Variants in SLC16A7 observed in about 807,000 individuals in gnomAD.
SLC16A7 encodes the protein solute carrier family 16 member 7.
In SLC16A7, 33 loss-of-function variants were observed where a neutral mutation model predicts 34.9. That is an observed-to-expected ratio of 0.94 (90% confidence interval 0.72 to 1.26). SLC16A7 has a LOEUF of 1.26. SLC16A7 is among the 50% of genes most tolerant of loss of function. The pLI, the probability that SLC16A7 is intolerant of heterozygous loss-of-function variation, is 0.00. For synonymous variants in SLC16A7, 201 were observed against 206.6 expected (o/e 0.97, Z 0.23); for missense variants, 573 against 578.1 (o/e 0.99, Z 0.09).
At chr12:59,644,534 C>T (rs1880826405) in intron 1 of SLC16A7, among the ~76,000 whole-genome samples, 1 of 152,112 alleles carries the variant, frequency 6.6e-6, no homozygotes, top group Non-Finnish European at 1.5e-5. Flanking sequence ...GCACTCCAGC[C>T]TGGGCAACAG....
At chr12:59,612,538 GCTT>G (rs1482080961) in intron 1 of SLC16A7, among the ~76,000 whole-genome samples, 1 of 152,152 alleles carries the variant, frequency 6.6e-6, no homozygotes, top group Non-Finnish European at 1.5e-5. Context: ...TTAACATTTG[GCTT>G]CTTGTTACTT....
At chr12:59,651,975 A>C (rs545731056) in intron 1 of SLC16A7, among the ~76,000 whole-genome samples, 12 of 152,240 alleles carry the variant, frequency 7.9e-5, no homozygotes, top group Admixed American at 2.6e-4. Flanking sequence ...ATTTTATTCA[A>C]GGAACTTTTT....
chr12:59,621,264 A>G (rs1879685079), intron 1 of SLC16A7, among the ~76,000 whole-genome samples: 1 of 151,864 alleles, frequency 6.6e-6, no homozygotes, highest in Non-Finnish European at 1.5e-5. Context: ...TAGCACTGCC[A>G]TGTTGTTTAT....
Position 59,655,270 on chromosome 12 carries a change from AATG to A in SLC16A7, c.-31+24_-31+26del, listed in dbSNP as rs1410855738. ...TACTCTGTGAGTATCCTTGGTGTGTAATGATGTTTTCTTCCATCTAGCTCTTGT... is the reference window on the plus strand; with the variant it reads ...TACTCTGTGAGTATCCTTGGTGTGTAATGTTTTCTTCCATCTAGCTCTTGT... On this transcript the variant is annotated intron_variant, in intron 2 of 5. Transcript: ENST00000547379. The A allele has an allele frequency of 1.3e-5, 2 of 151,888 alleles. No homozygotes were observed. Among genetic ancestry groups the A allele is most frequent in the Non-Finnish European group, 2.9e-5 (2 of 67,890 alleles). The allele number at this position is 151,888 out of a possible 1,614,324, so 9.4% of individuals were successfully genotyped here. A position where few individuals can be genotyped will look rare whatever the true frequency, so the allele number is the denominator to read the frequency against.
chr12:59,669,167 A>T (rs73109997), intron 2 of SLC16A7, among the ~76,000 whole-genome samples: 5,830 of 152,310 alleles, frequency 0.038, 161 homozygotes, highest in Non-Finnish European at 0.06. Context: ...TATAAGTTAA[A>T]CATTAAGATG....
chr12:59,709,362 AC>A (rs1283403444), intron 3 of SLC16A7, among the ~76,000 whole-genome samples: 3 of 151,674 alleles, frequency 2.0e-5, no homozygotes, highest in African/African-American at 7.3e-5. Flanking sequence ...GAACTACTTT[AC>A]ATGGGGATTG....
At chr12:59,649,698 C>T (rs1868307622) in intron 1 of SLC16A7, among the ~76,000 whole-genome samples, 2 of 152,118 alleles carry the variant, frequency 1.3e-5, no homozygotes, top group South Asian at 2.1e-4. Context: ...CCTGTAATAC[C>T]AGCACTTGGG....
chr12:59,686,099 T>C (rs1025021847), intron 2 of SLC16A7, among the ~76,000 whole-genome samples: 6 of 147,186 alleles, frequency 4.1e-5, no homozygotes, highest in South Asian at 4.3e-4. Flanking sequence ...ACTTTTCTTT[T>C]TTTTTTTTTT....
chr12:59,734,514 C>G (rs1877358495), intron 3 of SLC16A7, among the ~76,000 whole-genome samples: 1 of 152,198 alleles, frequency 6.6e-6, no homozygotes, highest in African/African-American at 2.4e-5. Context: ...GCAGCAGCAG[C>G]AGCAGCTGCA....
At chr12:59,694,479 A>G (rs1872048754) in intron 2 of SLC16A7, among the ~76,000 whole-genome samples, 2 of 151,970 alleles carry the variant, frequency 1.3e-5, no homozygotes, top group South Asian at 2.1e-4. Flanking sequence ...AAATATATCC[A>G]CATCCAAAAG....
At chr12:59,671,077 C>T (rs947573532) in intron 2 of SLC16A7, among the ~76,000 whole-genome samples, 16 of 152,154 alleles carry the variant, frequency 1.1e-4, no homozygotes, top group Non-Finnish European at 7.4e-5. Flanking sequence ...CAAGAGGGTC[C>T]TCTACGGTCA....
intron 3 of SLC16A7, among the ~76,000 whole-genome samples, chr12:59,755,321 G>A (rs1011275114): frequency 1.4e-4 from 21 of 152,186 alleles, no homozygotes; most frequent in African/African-American, 5.1e-4. Context: ...AATTGTCCCT[G>A]TTTGCAAATG....
intron 3 of SLC16A7, among the ~76,000 whole-genome samples, chr12:59,767,792 C>T (rs1394322272): frequency 6.6e-6 from 1 of 152,028 alleles, no homozygotes; most frequent in African/African-American, 2.4e-5. Context: ...TTCTGCAGCT[C>T]ATGGATCAAG....
At chr12:59,761,145 T>C in intron 3 of SLC16A7, 1 of 1,285,696 alleles carries the variant, frequency 7.8e-7, no homozygotes, top group Non-Finnish European at 1.0e-6. Flanking sequence ...TGAAAGCTTT[T>C]TGATCTTCAC....
chr12:59,638,048 G>T (rs535593178), intron 1 of SLC16A7, among the ~76,000 whole-genome samples: 1 of 152,176 alleles, frequency 6.6e-6, no homozygotes, highest in East Asian at 1.9e-4. Context: ...CCACCCTGTG[G>T]TTTTCTGTTA....
In SLC16A7 at chr12:59,761,075, A is replaced by G. The variant is rs553450251; in HGVS notation, c.218-10144A>G. ...ATATTTAAAAAATCACGTCTTGACA[A>G]TATGATATTTAATTGAAGAAGTTAC... On this transcript the variant is annotated intron_variant, in intron 3 of 5. Coordinates refer to ENST00000547379, the MANE Select transcript of SLC16A7 (RefSeq NM_001270623.2). 9 of 780,366 alleles carry G rather than the reference A, an allele frequency of 1.2e-5. No homozygotes were observed. In the African/African-American group the frequency reaches 1.3e-4, roughly 11 times the overall value. 48.3% of individuals were successfully genotyped at this position (780,366 alleles called of 1,614,324 possible).
At chr12:59,694,726 A>G (rs1195151722) in intron 2 of SLC16A7, among the ~76,000 whole-genome samples, 3 of 151,952 alleles carry the variant, frequency 2.0e-5, no homozygotes, top group Admixed American at 1.3e-4. Flanking sequence ...CTCTGCTTCT[A>G]TGTTTCCTCA....
intron 3 of SLC16A7, chr12:59,769,379 T>A (rs1882001649): frequency 6.6e-6 from 1 of 152,146 alleles, no homozygotes; most frequent in Non-Finnish European, 1.5e-5. Flanking sequence ...ACGTGTATAA[T>A]TTATTTTCTT....
chr12:59,619,380 A>G (rs776704582), intron 1 of SLC16A7, among the ~76,000 whole-genome samples: 15 of 152,092 alleles, frequency 9.9e-5, no homozygotes, highest in Admixed American at 6.6e-5. Context: ...TCCGGTTTCA[A>G]TTAAAAGGTT....
Sources: allele counts gnomAD v4.1 joint callset (sites outside exome capture counted in the v4.1 genomes callset), GRCh38; gene constraint gnomAD v4.1.1; transcripts MANE v1.5; gene names NCBI Gene and HGNC (gene_info 2026-07-23, HGNC 2026-07-21).